Variants in TENM2 observed in about 807,000 individuals in gnomAD.
The protein encoded by TENM2 is teneurin-2.
TENM2 carries 52 observed loss-of-function variants against 245.2 expected under a neutral mutation model. The observed-to-expected ratio is 0.21, with a 90% CI of 0.17 to 0.27. The LOEUF (loss-of-function observed/expected upper bound fraction) is 0.27, where lower values mean the gene tolerates loss of function less well. Among genes scored for constraint, TENM2 ranks in the 10% least tolerant of loss-of-function variants. The pLI, the probability that TENM2 is intolerant of heterozygous loss-of-function variation, is 1.00. For synonymous variants in TENM2, 1,363 were observed against 1,438.9 expected, an observed-to-expected ratio of 0.95 and a Z score of 1.19; for missense variants, 3,046 against 3,666.8, an observed-to-expected ratio of 0.83 and a Z score of 4.37.
the TENM2 span, among the ~76,000 whole-genome samples, chr5:167,026,508 T>C: frequency 6.6e-6 from 1 of 152,312 alleles, no homozygotes; most frequent in South Asian, 2.1e-4. Flanking sequence ...AATTTTGATA[T>C]ACCTCTCACA....
At chr5:167,061,017 A>G in the TENM2 span, among the ~76,000 whole-genome samples, 1 of 151,980 alleles carries the variant, frequency 6.6e-6, no homozygotes, top group Admixed American at 6.6e-5. Flanking sequence ...TTAGTTTTCC[A>G]GGTGATTCTT....
chr5:167,623,699 T>C (rs751784575), intron 2 of TENM2, among the ~76,000 whole-genome samples: 35 of 152,192 alleles, frequency 2.3e-4, no homozygotes, highest in Non-Finnish European at 3.7e-4. Context: ...TTTTTGTTGT[T>C]GTTCTGTTTG....
At chr5:167,275,220 T>C in the TENM2 span, among the ~76,000 whole-genome samples, 1 of 152,084 alleles carries the variant, frequency 6.6e-6, no homozygotes, top group African/African-American at 2.4e-5. Context: ...TCCATTAATA[T>C]GTGTGTCTGT....
intron 6 of TENM2, among the ~76,000 whole-genome samples, chr5:168,052,164 G>A (rs1391912942): frequency 2.6e-5 from 4 of 152,084 alleles, no homozygotes; most frequent in East Asian, 1.9e-4. Flanking sequence ...TTGGGAAGCC[G>A]ATCACGAGCT....
chr5:168,062,475 T>A (rs1790131944), intron 7 of TENM2, among the ~76,000 whole-genome samples: 1 of 152,172 alleles, frequency 6.6e-6, no homozygotes, highest in Admixed American at 6.5e-5. Context: ...GAGACAGTTT[T>A]TCACAAAGTT....
rs753566699 is a variant in TENM2, at chr5:168,226,069, T to C, written c.5109-19T>C. ...ACTGCTGCTAACCAGGGTTTATCTA[T>C]CTATCTATCTCCCCCCAGCTATGAC... On this transcript the variant is annotated intron_variant, in intron 23 of 28. Transcript: ENST00000518659. The C allele has an allele frequency of 6.8e-6, 11 of 1,608,082 alleles. No homozygotes were observed. The highest frequency in any genetic ancestry group is 7.6e-6 in the Non-Finnish European group (9 of 1,177,610).
intron 2 of TENM2, among the ~76,000 whole-genome samples, chr5:167,828,729 A>G (rs200494242): frequency 2.0e-5 from 3 of 152,228 alleles, no homozygotes; most frequent in East Asian, 3.8e-4. Context: ...AATCCTCTTT[A>G]GGAATTAAAA....
intron 6 of TENM2, among the ~76,000 whole-genome samples, chr5:168,057,742 A>G (rs1473634929): frequency 6.6e-6 from 1 of 152,210 alleles, no homozygotes; most frequent in African/African-American, 2.4e-5. Flanking sequence ...AGGATCCACA[A>G]GAAAAGTTAT....
At chr5:167,767,272 T>A (rs1460770011) in intron 2 of TENM2, among the ~76,000 whole-genome samples, 1 of 152,222 alleles carries the variant, frequency 6.6e-6, no homozygotes, top group Non-Finnish European at 1.5e-5. Flanking sequence ...TTGACGATAT[T>A]ATGCCAATTG....
chr5:168,079,089 G>A (rs1432121541), intron 7 of TENM2, among the ~76,000 whole-genome samples: 1 of 152,060 alleles, frequency 6.6e-6, no homozygotes, highest in Non-Finnish European at 1.5e-5. Flanking sequence ...ATTTGTTTGT[G>A]TCCTCTTTTA....
chr5:167,954,208 C>T (rs1030889682), intron 4 of TENM2, among the ~76,000 whole-genome samples: 1 of 152,054 alleles, frequency 6.6e-6, no homozygotes, highest in Non-Finnish European at 1.5e-5. Context: ...CACAAACAAA[C>T]ACACACACAG....
At chr5:167,747,219 CA>C (rs1761652492) in intron 2 of TENM2, among the ~76,000 whole-genome samples, 1 of 152,034 alleles carries the variant, frequency 6.6e-6, no homozygotes, top group Admixed American at 6.6e-5. Context: ...GAAGAATTCC[CA>C]GTGGGCAAGT....
At chr5:168,178,909 T>C (rs892123512) in intron 13 of TENM2, among the ~76,000 whole-genome samples, 1 of 152,052 alleles carries the variant, frequency 6.6e-6, no homozygotes, top group Non-Finnish European at 1.5e-5. Context: ...CCGAGGCGGA[T>C]GGATCACTTG....
chr5:167,433,117 AT>A lies in TENM2; in HGVS notation c.502+57655del, dbSNP rs11383544. Among the ~76,000 whole-genome samples, 725 of 149,154 alleles carry A rather than the reference AT, an allele frequency of 4.9e-3. 4 individuals are homozygous for A. The highest frequency in any genetic ancestry group is 0.016 in the African/African-American group (659 of 40,940). ...ATTGGATTTTGGTAATAAATATTGAATTTTTTTTTTTAGTAACAGACACATG... is the reference window on the plus strand; with the variant it reads ...ATTGGATTTTGGTAATAAATATTGAATTTTTTTTTTAGTAACAGACACATG... On this transcript the variant is annotated intron_variant, in intron 2 of 28. Transcript: ENST00000518659.
At chr5:167,093,362 T>C in the TENM2 span, among the ~76,000 whole-genome samples, 1 of 152,188 alleles carries the variant, frequency 6.6e-6, no homozygotes, top group Admixed American at 6.5e-5. Flanking sequence ...CCAGGTTGTC[T>C]TTGTATGAGC....
chr5:167,182,521 C>T, the TENM2 span, among the ~76,000 whole-genome samples: 2 of 152,048 alleles, frequency 1.3e-5, no homozygotes, highest in African/African-American at 4.8e-5. Flanking sequence ...AGAGTTCTTT[C>T]TAAAATATTT....
chr5:167,537,144 G>A (rs943759623), intron 2 of TENM2, among the ~76,000 whole-genome samples: 3 of 151,014 alleles, frequency 2.0e-5, no homozygotes, highest in Non-Finnish European at 4.4e-5. Context: ...GGGTATGGTG[G>A]ATCATGCCTG....
chr5:167,368,351 C>A (rs1760191801), intron 1 of TENM2, among the ~76,000 whole-genome samples: 2 of 151,906 alleles, frequency 1.3e-5, no homozygotes, highest in South Asian at 2.1e-4. Context: ...CATGTTACAG[C>A]AAAATTGTTT....
chr5:168,262,732 C>A, exon 29 of TENM2: 1 of 1,610,880 alleles, frequency 6.2e-7, no homozygotes, highest in East Asian at 2.2e-5. Context: ...ACGTGCTTCC[C>A]GTGGAGCAAT....
Sources: allele counts gnomAD v4.1 joint callset (sites outside exome capture counted in the v4.1 genomes callset), GRCh38; gene constraint gnomAD v4.1.1; transcripts MANE v1.5; gene names NCBI Gene and HGNC (gene_info 2026-07-23, HGNC 2026-07-21).